Variants in ZZEF1 observed in about 807,000 individuals in gnomAD.
ZZEF1 encodes zinc finger ZZ-type and EF-hand domain containing 1, also known as zinc finger ZZ-type and EF-hand domain-containing protein 1.
ZZEF1 carries 157 observed loss-of-function variants against 342.8 expected under a neutral mutation model. The ratio of observed to expected loss-of-function variants is 0.46; its 90% CI spans 0.40 to 0.52. The LOEUF is 0.52. Among genes scored for constraint, ZZEF1 ranks in the 20% least tolerant of loss-of-function variants. The probability of loss-of-function intolerance (pLI) is 0.00; values close to 1 mark genes in which losing one functional copy is unlikely to be tolerated. For synonymous variants in ZZEF1, 1,505 were observed against 1,429.1 expected (o/e 1.05, Z -1.20); for missense variants, 3,480 against 3,725.6 (o/e 0.93, Z 1.72).
rs1346545894 is a variant in ZZEF1 at position 4,117,124 on chromosome 17, A to T, written c.542T>A (p.Ile181Asn). 6.2e-7 allele frequency: 1 copy of T among 1,613,802 alleles called. No homozygotes were observed. Among genetic ancestry groups the T allele is most frequent in the African/African-American group, 1.3e-5 (1 of 74,920 alleles). ...GAAGCGCAGTATCATTGACGAGTGAATATCAAGGCCCTCCTTCGACTCTGA... is the reference window on the plus strand; with the variant it reads ...GAAGCGCAGTATCATTGACGAGTGATTATCAAGGCCCTCCTTCGACTCTGA... ...IFSESKEGLD[I>N]HSSMILRFLH... is the part of the protein sequence containing the mutation. The change falls in exon 3 of 55, where the codon ATT becomes AAT. Residue 181 changes from isoleucine to asparagine, a missense_variant. Transcript: ENST00000381638.
At chr17:4,064,335 C>A (rs763094761) in intron 29 of ZZEF1, 26 bp downstream of exon 29, 51 of 1,535,926 alleles carry the variant, frequency 3.3e-5, no homozygotes, top group Non-Finnish European at 4.0e-5. Context: ...AAAGAGAAAG[C>A]GACAGGAAGG....
intron 54 of ZZEF1, 65 bp from the exon 55 acceptor site, chr17:4,007,035 AAGACCCTC>A: frequency 7.0e-7 from 1 of 1,426,854 alleles, no homozygotes; most frequent in Non-Finnish European, 9.5e-7. Context: ...GAGTGCTGAT[AAGACCCTC>A]AGCTGAGCAC....
chr17:4,012,532 A>C (rs2055990064), intron 52 of ZZEF1, among the ~76,000 whole-genome samples: 1 of 152,284 alleles, frequency 6.6e-6, no homozygotes, highest in Non-Finnish European at 1.5e-5. Flanking sequence ...GAGGGTTCTG[A>C]GCAAGGAGGG....
intron 28 of ZZEF1, among the ~76,000 whole-genome samples, chr17:4,065,484 T>C (rs1363748948): frequency 6.6e-6 from 1 of 152,032 alleles, no homozygotes; most frequent in Non-Finnish European, 1.5e-5. Context: ...TCAAATTTTA[T>C]CTCATTATAG....
intron 1 of ZZEF1, among the ~76,000 whole-genome samples, chr17:4,137,410 A>G (rs1232183820): frequency 3.2e-4 from 48 of 152,154 alleles, no homozygotes; most frequent in Admixed American, 3.1e-3. Flanking sequence ...GGAGATCGAG[A>G]CCATCCTGGC....
At chr17:4,035,605 G>A (rs2056642825) in intron 39 of ZZEF1, among the ~76,000 whole-genome samples, 1 of 152,196 alleles carries the variant, frequency 6.6e-6, no homozygotes, top group Non-Finnish European at 1.5e-5. Flanking sequence ...AGGTGAGGAG[G>A]GCAAAAACGC....
intron 44 of ZZEF1, chr17:4,022,489 C>A: frequency 1.9e-6 from 1 of 513,016 alleles, no homozygotes; most frequent in Non-Finnish European, 3.4e-6. Context: ...TTCTCTTCCA[C>A]TGTTCTTTGA....
chr17:4,083,485 C>A (rs1219549210), intron 16 of ZZEF1, among the ~76,000 whole-genome samples: 1 of 152,148 alleles, frequency 6.6e-6, no homozygotes, highest in Non-Finnish European at 1.5e-5. Context: ...AAACAAATAT[C>A]CTTCCTCTTC....
rs910687251 is a variant in ZZEF1, at chr17:4,107,443, T to C, written c.1278-1634A>G. Among the ~76,000 whole-genome samples, 6 of 152,158 alleles carry C rather than the reference T, an allele frequency of 3.9e-5. No homozygotes were observed. In the East Asian group the frequency reaches 5.8e-4, roughly 15 times the overall value. ...TGGCCTACAGTGAGGTTTTAGAGCC[T>C]GAGCAGGGTGAGAAAGGTGTCTTCA... On this transcript the variant is annotated intron_variant, in intron 6 of 54. Coordinates refer to ENST00000381638, the MANE Select transcript of ZZEF1 (RefSeq NM_015113.4).
At chr17:4,123,427 A>G (rs2058522311) in intron 2 of ZZEF1, among the ~76,000 whole-genome samples, 1 of 151,502 alleles carries the variant, frequency 6.6e-6, no homozygotes, top group Non-Finnish European at 1.5e-5. Flanking sequence ...AGCTTTCTTA[A>G]AAAACCACTA....
intron 26 of ZZEF1, among the ~76,000 whole-genome samples, chr17:4,068,713 A>C (rs1357846813): frequency 2.0e-5 from 3 of 151,920 alleles, no homozygotes; most frequent in Non-Finnish European, 4.4e-5. Context: ...TGCAGTAAGT[A>C]ATTCCTGAAG....
intron 16 of ZZEF1, 59 bp from the exon 17 acceptor site, chr17:4,082,563 C>G (rs1489192131): frequency 1.9e-6 from 3 of 1,540,168 alleles, no homozygotes; most frequent in African/African-American, 1.4e-5. Context: ...TTCCAGAGAC[C>G]TAGAGCGGCA....
intron 4 of ZZEF1, among the ~76,000 whole-genome samples, chr17:4,113,409 G>C (rs1329659121): frequency 2.0e-5 from 3 of 152,260 alleles, no homozygotes; most frequent in African/African-American, 7.2e-5. Flanking sequence ...ATAGAAAGAG[G>C]CCAGGCACGG....
Position 4,061,750 on chromosome 17 carries a change from C to T in ZZEF1, c.4883+1003G>A, listed in dbSNP as rs115565785. Among the ~76,000 whole-genome samples, 1,211 of 152,200 alleles carry T rather than the reference C, an allele frequency of 8.0e-3. 16 individuals are homozygous for T. Among genetic ancestry groups the T allele is most frequent in the African/African-American group, 0.027 (1,131 of 41,512 alleles). The stretch of plus-strand genomic sequence containing the variant: ...ATTTACCCTCTCCATCTTATCCAAC[C>T]GTAAGTCCTGACAACTCTACCTCTA... On this transcript the variant is annotated intron_variant, in intron 30 of 54. Coordinates refer to ENST00000381638, the MANE Select transcript of ZZEF1 (RefSeq NM_015113.4).
chr17:4,111,418 G>A (rs1405129166), intron 5 of ZZEF1, among the ~76,000 whole-genome samples: 1 of 152,088 alleles, frequency 6.6e-6, no homozygotes, highest in African/African-American at 2.4e-5. Context: ...CCAGCACTGT[G>A]GAAGGCCGAG....
intron 12 of ZZEF1, 60 bp from the exon 13 acceptor site, chr17:4,088,953 G>T: frequency 1.3e-6 from 2 of 1,540,004 alleles, no homozygotes; most frequent in African/African-American, 1.4e-5. Context: ...ATTGATTAAA[G>T]AGGGAAAAAG....
intron 45 of ZZEF1, chr17:4,020,148 G>A (rs1281074490): frequency 5.8e-6 from 1 of 171,268 alleles, no homozygotes; most frequent in African/African-American, 2.4e-5. Flanking sequence ...GATTTTTTTT[G>A]ACACAGGGTC....
intron 2 of ZZEF1, among the ~76,000 whole-genome samples, chr17:4,121,172 G>A (rs1189384088): frequency 6.6e-6 from 1 of 152,180 alleles, no homozygotes; most frequent in Non-Finnish European, 1.5e-5. Flanking sequence ...CAGCACAACA[G>A]TACACTACGA....
chr17:4,132,952 C>T (rs1266586919), intron 1 of ZZEF1, among the ~76,000 whole-genome samples: 6 of 150,856 alleles, frequency 4.0e-5, no homozygotes, highest in Middle Eastern at 3.5e-3. Context: ...GGCGACAGAG[C>T]GAGACTCCAT....
Sources: gnomAD v4.1 joint callset for allele counts (sites outside exome capture counted in the v4.1 genomes callset) on GRCh38, gnomAD v4.1.1 for gene constraint, MANE v1.5 for transcripts, NCBI Gene and HGNC (gene_info 2026-07-23, HGNC 2026-07-21) for gene names.